JARID2: variants seen among roughly 807,000 people sequenced by gnomAD.
JARID2 encodes the protein protein Jumonji.
A neutral mutation model predicts 125.6 loss-of-function variants in JARID2; 21 were observed. The observed-to-expected ratio is 0.17, with a 90% CI of 0.12 to 0.24. The LOEUF is 0.24. Ranked by LOEUF, JARID2 falls within the 10% of genes least tolerant of loss-of-function variation. The pLI, the probability that JARID2 is intolerant of heterozygous loss-of-function variation, is 1.00. For missense variants in JARID2, 1,303 were observed against 1,639.6 expected, an observed-to-expected ratio of 0.79 and a Z score of 3.55; for synonymous variants, 736 against 661.6, an observed-to-expected ratio of 1.11 and a Z score of -1.73.
Position 15,309,687 on chromosome 6 carries a change from A to G in JARID2, c.45+63103A>G, listed in dbSNP as rs867012247. Among the ~76,000 whole-genome samples, 24 of 152,118 alleles carry G rather than the reference A, an allele frequency of 1.6e-4. 1 individual carries two copies. The highest frequency in any genetic ancestry group is 4.3e-4 in the African/African-American group (18 of 41,492). The stretch of plus-strand genomic sequence containing the variant: ...TATAAACGTGTGTGTGTGTGTGTAT[A>G]TATATATATGTATGCTTTGACAAAT... On this transcript the variant is annotated intron_variant, in intron 1 of 17. Transcript: ENST00000341776.
chr6:15,507,512 G>A, intron 11 of JARID2, 96 bp downstream of exon 11: 5 of 982,088 alleles, frequency 5.1e-6, no homozygotes, highest in Non-Finnish European at 6.3e-6. Context: ...AGCACTGCCG[G>A]GGAGGGATGG....
Position 15,517,081 on chromosome 6 carries a change from C to A in JARID2, c.3451-80C>A. On this transcript the variant is annotated intron_variant, in intron 16 of 17. Transcript: ENST00000341776. ...GGCAGTGGGTGTGGTGGCTGCCCGGCCGGGCGTGCTCCTACCTTACCCTCC... is the reference window on the plus strand; with the variant it reads ...GGCAGTGGGTGTGGTGGCTGCCCGGACGGGCGTGCTCCTACCTTACCCTCC... 9 of 1,029,920 alleles carry A rather than the reference C, an allele frequency of 8.7e-6. No individual in the cohort carries two copies. The South Asian group carries it at 9.2e-5, about 11-fold the overall frequency. 63.8% of individuals were successfully genotyped at this position (1,029,920 alleles called of 1,614,324 possible). A position where few individuals can be genotyped will look rare whatever the true frequency, so the allele number is the denominator to read the frequency against.
rs1470154067 is a variant in JARID2, at chr6:15,465,809, TG to T, written c.494-2732del. 2.1e-3 allele frequency among the ~76,000 whole-genome samples: 309 copies of T among 148,614 alleles called. 1 individual carries two copies. Among genetic ancestry groups the T allele is most frequent in the African/African-American group, 5.6e-3 (216 of 38,728 alleles). On this transcript the variant is annotated intron_variant, in intron 4 of 17. Transcript: ENST00000341776. The stretch of plus-strand genomic sequence containing the variant: ...GTTGCTGTTTGTTTGTTTGTTTGTT[TG>T]TTTGTTTTTTTGAGACGGAGTCTTG...
intron 3 of JARID2, among the ~76,000 whole-genome samples, chr6:15,447,665 A>G (rs1471601460): frequency 6.6e-6 from 1 of 152,208 alleles, no homozygotes; most frequent in Non-Finnish European, 1.5e-5. Context: ...ATGGAATGGC[A>G]GGTAGTATTC....
chr6:15,387,443 T>C (rs1347290422), intron 2 of JARID2, among the ~76,000 whole-genome samples: 2 of 152,188 alleles, frequency 1.3e-5, no homozygotes, highest in African/African-American at 4.8e-5. Flanking sequence ...AGTGCCCTCT[T>C]CTTGGCTGGT....
chr6:15,352,327 CTTAATA>C (rs1258105980), intron 1 of JARID2, among the ~76,000 whole-genome samples: 1 of 152,166 alleles, frequency 6.6e-6, no homozygotes, highest in Non-Finnish European at 1.5e-5. Context: ...CCACCCCGTT[CTTAATA>C]TTAATGTTAC....
chr6:15,289,665 C>G (rs1761133580), intron 1 of JARID2, among the ~76,000 whole-genome samples: 1 of 152,016 alleles, frequency 6.6e-6, no homozygotes, highest in Non-Finnish European at 1.5e-5. Context: ...CCAGCTTTGT[C>G]AACAAGGTAA....
At chr6:15,517,094 T>C in intron 16 of JARID2, 67 bp from the exon 17 acceptor site, 2 of 1,238,604 alleles carry the variant, frequency 1.6e-6, no homozygotes, top group Non-Finnish European at 2.4e-6. Flanking sequence ...GGCGTGCTCC[T>C]ACCTTACCCT....
Position 15,496,327 on chromosome 6 carries a change from A to C in JARID2, c.1102A>C (p.Ser368Arg), listed in dbSNP as rs1283738793. 2.5e-6 allele frequency: 4 copies of C among 1,614,228 alleles called. No individual in the cohort carries two copies. In the Admixed American group the frequency reaches 6.7e-5, roughly 27 times the overall value. Residue 368 changes from serine (S) to arginine (R), a missense_variant, in exon 7 of 18, where the codon AGT becomes CGT. Physicochemically the swap from Ser to Arg is moderately radical, Grantham distance 110 (BLOSUM62 -1). This residue lies in a region of JARID2 where 651 missense variants were observed against 581.6 expected (regional missense o/e 1.12). Transcript: ENST00000341776. ...KDTKPNHHKP[S>R]SAVNHTISGK... is the part of the protein sequence containing the mutation. The stretch of plus-strand genomic sequence containing the variant: ...CACCAAACCCAATCACCACAAGCCC[A>C]GTTCCGCTGTCAACCACACAATCTC...
chr6:15,469,378 CTCCCCCTCTCCCCCTT>C (rs1157889171), intron 5 of JARID2, among the ~76,000 whole-genome samples: 182 of 45,508 alleles, frequency 4.0e-3, no homozygotes, highest in East Asian at 7.0e-3. Flanking sequence ...TTCTCCCCCT[CTCCCCCTCTCCCCCTT>C]TCCCCCTCTC....
At chr6:15,354,787 C>G (rs1446449642) in intron 1 of JARID2, among the ~76,000 whole-genome samples, 1 of 152,172 alleles carries the variant, frequency 6.6e-6, no homozygotes, top group African/African-American at 2.4e-5. Context: ...ATACCTACCC[C>G]TACAAGCAAG....
At chr6:15,358,001 C>T (rs1250036189) in intron 1 of JARID2, among the ~76,000 whole-genome samples, 1 of 152,158 alleles carries the variant, frequency 6.6e-6, no homozygotes, top group Non-Finnish European at 1.5e-5. Flanking sequence ...CATTCTGACT[C>T]AGGAAGCCCA....
Position 15,500,149 on chromosome 6 carries a change from C to T in JARID2, c.1946-758C>T, listed in dbSNP as rs552694259. Among the ~76,000 whole-genome samples, 211 of 152,214 alleles carry T rather than the reference C, an allele frequency of 1.4e-3. 1 individual carries two copies. The highest frequency in any genetic ancestry group is 4.9e-3 in the African/African-American group (202 of 41,530). Reference sequence around the variant, plus strand: ...ATTCCCATCTAGAAAAGCCACTGGGCGCGCGTTAAAACCTGCCCAGGTTTG... The same window carrying T: ...ATTCCCATCTAGAAAAGCCACTGGGTGCGCGTTAAAACCTGCCCAGGTTTG... On this transcript the variant is annotated intron_variant, in intron 7 of 17. Coordinates refer to ENST00000341776, the MANE Select transcript of JARID2 (RefSeq NM_004973.4).
At chr6:15,429,658 TGGAG>T (rs138419078) in intron 3 of JARID2, among the ~76,000 whole-genome samples, 83 of 152,332 alleles carry the variant, frequency 5.4e-4, no homozygotes, top group Non-Finnish European at 1.0e-3. Context: ...ACTATCATCT[TGGAG>T]GGGGTGTATG....
intron 5 of JARID2, among the ~76,000 whole-genome samples, chr6:15,475,950 A>C (rs2064099): frequency 0.12 from 18,814 of 152,146 alleles, 1,441 homozygotes; most frequent in African/African-American, 0.22. Context: ...ACTGCTCAGA[A>C]TTGTTAATCT....
chr6:15,342,357 AC>A (rs985160592), intron 1 of JARID2, among the ~76,000 whole-genome samples: 10 of 152,050 alleles, frequency 6.6e-5, no homozygotes, highest in African/African-American at 2.4e-4. Context: ...CTCTGGGACT[AC>A]CCCCACAAGG....
At chr6:15,276,231 C>T (rs989851060) in intron 1 of JARID2, among the ~76,000 whole-genome samples, 1 of 152,176 alleles carries the variant, frequency 6.6e-6, no homozygotes, top group African/African-American at 2.4e-5. Context: ...CTCTCCTCCC[C>T]TCGAGTGTCC....
chr6:15,382,479 G>T (rs1000737341), intron 2 of JARID2, among the ~76,000 whole-genome samples: 2 of 152,204 alleles, frequency 1.3e-5, no homozygotes, highest in East Asian at 3.8e-4. Flanking sequence ...TCATAATCTA[G>T]TGGGACAAAT....
In JARID2 at chr6:15,348,127, T is replaced by C. The variant is rs182462993; in HGVS notation, c.46-25990T>C. Reference sequence around the variant, plus strand: ...TTTTTTTTGAGATGGAGTCTAGCTCTGTCACCCAAGCTGTAGTGCAGTGGT... The same window carrying C: ...TTTTTTTTGAGATGGAGTCTAGCTCCGTCACCCAAGCTGTAGTGCAGTGGT... On this transcript the variant is annotated intron_variant, in intron 1 of 17. Coordinates refer to ENST00000341776, the MANE Select transcript of JARID2 (RefSeq NM_004973.4). 9.4e-4 allele frequency among the ~76,000 whole-genome samples: 143 copies of C among 151,874 alleles called. 1 individual carries two copies. The highest frequency in any genetic ancestry group is 1.7e-3 in the Non-Finnish European group (116 of 67,956).
Sources: gnomAD v4.1 joint callset for allele counts (sites outside exome capture counted in the v4.1 genomes callset) on GRCh38, gnomAD v4.1.1 for gene constraint, gnomAD v4.1.1 regional missense constraint, MANE v1.5 for transcripts, NCBI Gene and HGNC (gene_info 2026-07-23, HGNC 2026-07-21) for gene names.